The following ANXA4 variants were observed in gnomAD, a reference collection of about 807,000 sequenced individuals.
The protein encoded by ANXA4 is 35-beta calcimedin.
Under a neutral mutation model 49.8 loss-of-function variants are expected in ANXA4, and 39 were observed. The ratio of observed to expected loss-of-function variants is 0.78; its 90% CI spans 0.61 to 1.02. The LOEUF (loss-of-function observed/expected upper bound fraction) is 1.02, where lower values mean the gene tolerates loss of function less well. Among genes scored for constraint, ANXA4 ranks in the 50% least tolerant of loss-of-function variants. The pLI, the probability that ANXA4 is intolerant of heterozygous loss-of-function variation, is 0.00. For synonymous variants in ANXA4, 134 were observed against 152.5 expected, an observed-to-expected ratio of 0.88 and a Z score of 0.89; for missense variants, 360 against 410.1, an observed-to-expected ratio of 0.88 and a Z score of 1.05.
At chr2:69,712,145 C>T (rs569234551) in intron 2 of ANXA4, among the ~76,000 whole-genome samples, 25 of 152,108 alleles carry the variant, frequency 1.6e-4, no homozygotes, top group African/African-American at 6.0e-4. Context: ...TACATACAGA[C>T]ACACCACACA....
intron 2 of ANXA4, among the ~76,000 whole-genome samples, chr2:69,682,168 G>A (rs1278570353): frequency 6.6e-6 from 1 of 152,064 alleles, no homozygotes; most frequent in East Asian, 1.9e-4. Context: ...TGCTTTTCCA[G>A]TTCCTTGAAG....
intron 1 of ANXA4, among the ~76,000 whole-genome samples, chr2:69,762,739 C>G (rs1194039133): frequency 6.6e-6 from 1 of 152,170 alleles, no homozygotes; most frequent in Non-Finnish European, 1.5e-5. Context: ...GGAGGGCCAG[C>G]TATGGGCCTA....
intron 7 of ANXA4, 127 bp from the exon 8 acceptor site, chr2:69,812,526 C>G: frequency 1.4e-6 from 1 of 716,586 alleles, no homozygotes; most frequent in Non-Finnish European, 2.3e-6. Flanking sequence ...TGTCCTCCCT[C>G]CCTGGGTCTG....
chr2:69,716,295 G>C (rs574975133), intron 2 of ANXA4, among the ~76,000 whole-genome samples: 3 of 152,096 alleles, frequency 2.0e-5, no homozygotes, highest in Non-Finnish European at 4.4e-5. Flanking sequence ...TTTGTGTTGG[G>C]TTTCTGTCCC....
chr2:69,822,036 T>TA (rs758040925), intron 12 of ANXA4, among the ~76,000 whole-genome samples: 20 of 152,288 alleles, frequency 1.3e-4, no homozygotes, highest in African/African-American at 4.8e-4. Flanking sequence ...AACAGTCTGT[T>TA]ACGAAACTTT....
Position 69,713,311 on chromosome 2 carries a change from C to T in ANXA4, n.767-7463C>T, listed in dbSNP as rs556418026. 1.4e-4 allele frequency among the ~76,000 whole-genome samples: 21 copies of T among 152,166 alleles called. No individual in the cohort carries two copies. The South Asian group carries it at 4.4e-3, about 32-fold the overall frequency. On this transcript the variant is annotated intron_variant and non_coding_transcript_variant, in intron 2 of 3. Coordinates refer to the ANXA4 transcript ENST00000418066. ...CTATTGGTGTAACACACTTTCTGGC[C>T]CTCTCCCTCCCATTCTTGTCACTCA...
At chr2:69,709,981 CTTTTTTTTT>C (rs974347199) in intron 2 of ANXA4, among the ~76,000 whole-genome samples, 1 of 97,022 alleles carries the variant, frequency 1.0e-5, no homozygotes, top group Non-Finnish European at 2.0e-5. Context: ...CACTTCCAGG[CTTTTTTTTT>C]TTTTTTTTTT....
At chr2:69,819,242 T>A (rs1384102705) in intron 10 of ANXA4, 38 bp from the exon 11 acceptor site, 1 of 1,457,610 alleles carries the variant, frequency 6.9e-7, no homozygotes, top group South Asian at 1.2e-5. Context: ...GGGTCTTATC[T>A]GTAATCTTTT....
chr2:69,814,713 T>TAGAGAG (rs936700779), intron 8 of ANXA4: 6 of 147,316 alleles, frequency 4.1e-5, no homozygotes, highest in African/African-American at 1.3e-4. Flanking sequence ...ACAGAACCAA[T>TAGAGAG]AGAGAGAGAG....
At chr2:69,659,258 C>T (rs564386838) in intron 2 of ANXA4, among the ~76,000 whole-genome samples, 5 of 152,054 alleles carry the variant, frequency 3.3e-5, no homozygotes, top group Admixed American at 1.3e-4. Flanking sequence ...AAAGACAAGA[C>T]GAAAGTTAGA....
chr2:69,733,110 A>G (rs1320047449), intron 3 of ANXA4, among the ~76,000 whole-genome samples: 1 of 152,250 alleles, frequency 6.6e-6, no homozygotes, highest in African/African-American at 2.4e-5. Flanking sequence ...CATTATTAAA[A>G]ACGCTTGTTC....
rs746114038 is a variant in ANXA4 at position 69,804,489 on chromosome 2, C to T, written c.98-44C>T. On this transcript the variant is annotated intron_variant, in intron 3 of 12. Coordinates refer to ENST00000394295, the MANE Select transcript of ANXA4 (RefSeq NM_001153.5). ...CACAGAGGAACCTGCTTTCTCATTC[C>T]TCTCTCAAATCACACTTACCTGCTG... 19 of 1,555,834 alleles carry T rather than the reference C, an allele frequency of 1.2e-5. No homozygotes were observed. The African/African-American group carries it at 1.8e-4, about 14-fold the overall frequency.
intron 2 of ANXA4, among the ~76,000 whole-genome samples, chr2:69,673,051 T>A (rs759306526): frequency 6.6e-6 from 1 of 152,106 alleles, no homozygotes; most frequent in African/African-American, 2.4e-5. Flanking sequence ...ATAAGAACAC[T>A]TTTACACTGT....
At chr2:69,738,389 A>C (rs771981824), upstream of ANXA4, among the ~76,000 whole-genome samples, 18 of 152,194 alleles carry the variant, frequency 1.2e-4, no homozygotes, top group Non-Finnish European at 1.8e-4. Context: ...AGCGGGAAGA[A>C]TACCAAGCAG....
chr2:69,674,723 C>G (rs1677328883), intron 2 of ANXA4, among the ~76,000 whole-genome samples: 1 of 152,118 alleles, frequency 6.6e-6, no homozygotes, highest in African/African-American at 2.4e-5. Context: ...AGTTTCCACA[C>G]AGGCTGATTT....
intron 1 of ANXA4, among the ~76,000 whole-genome samples, chr2:69,646,355 G>A (rs1428749904): frequency 1.3e-5 from 2 of 152,164 alleles, no homozygotes; most frequent in Non-Finnish European, 2.9e-5. Flanking sequence ...CAAAGCCAGA[G>A]AACCATCTTC....
chr2:69,744,608 T>C (rs1160418386), intron 1 of ANXA4, among the ~76,000 whole-genome samples: 1 of 152,182 alleles, frequency 6.6e-6, no homozygotes, highest in African/African-American at 2.4e-5. Flanking sequence ...CTGGAGCAAC[T>C]TTGAGTAACA....
rs1674441876 is a variant in ANXA4, at chr2:69,825,651, G to A, written c.*136G>A. 3.3e-6 allele frequency: 2 copies of A among 610,418 alleles called. No homozygotes were observed. The allele number at this position is 610,418 out of a possible 1,614,324, so 37.8% of individuals were successfully genotyped here. ...GCCTACAGCTGCCTCCTAGAATATAGACTGTCTGTATTATTATTCACCTAT... is the reference window on the plus strand; with the variant it reads ...GCCTACAGCTGCCTCCTAGAATATAAACTGTCTGTATTATTATTCACCTAT... On this transcript the variant is annotated 3_prime_UTR_variant, in exon 13 of 13. Transcript: ENST00000394295.
intron 3 of ANXA4, among the ~76,000 whole-genome samples, chr2:69,729,324 G>A (rs138109352): frequency 1.7e-3 from 257 of 152,100 alleles, no homozygotes; most frequent in Non-Finnish European, 2.9e-3. Flanking sequence ...CCTCAATAAC[G>A]TCTTATAATT....
Sources: gnomAD v4.1 joint callset for allele counts (sites outside exome capture counted in the v4.1 genomes callset) on GRCh38, gnomAD v4.1.1 for gene constraint, MANE v1.5 for transcripts, NCBI Gene and HGNC (gene_info 2026-07-23, HGNC 2026-07-21) for gene names.